Variants in HIPK3 observed in about 807,000 individuals in gnomAD.
HIPK3 encodes the protein homeodomain-interacting protein kinase 3.
Under a neutral mutation model 124.2 loss-of-function variants are expected in HIPK3, and 47 were observed. The observed-to-expected ratio is 0.38, with a 90% CI of 0.30 to 0.48. The LOEUF (loss-of-function observed/expected upper bound fraction) is 0.48, where lower values mean the gene tolerates loss of function less well. Among genes scored for constraint, HIPK3 ranks in the 20% least tolerant of loss-of-function variants. HIPK3 has a pLI of 0.98. For missense variants in HIPK3, 1,286 were observed against 1,454.3 expected (o/e 0.88, Z 1.88); for synonymous variants, 482 against 515.2 (o/e 0.94, Z 0.87).
chr11:33,287,446 C>T lies in HIPK3; in HGVS notation c.1032C>T (p.Asp344=), dbSNP rs2133902976. 1 of 1,614,084 alleles carries T rather than the reference C, an allele frequency of 6.2e-7. No homozygotes were observed. Among genetic ancestry groups the T allele is most frequent in the South Asian group, 1.1e-5 (1 of 91,076 alleles). The stretch of plus-strand genomic sequence containing the variant: ...AGCCTTACAGGGTTAAAGTAATAGA[C>T]TTTGGGTCGGCCAGTCATGTATCAA... ...VRQPYRVKVI[D]FGSASHVSKT... is the part of the protein sequence containing the mutation. The change falls in exon 2 of 17, where the codon GAC becomes GAT. Residue 344 remains aspartate, a synonymous_variant. Coordinates refer to ENST00000303296, the MANE Select transcript of HIPK3 (RefSeq NM_005734.5).
chr11:33,341,645 C>T lies in HIPK3; in HGVS notation c.1856C>T (p.Ala619Val), dbSNP rs767481473. ...AGTAQFGCGD[A>V]FQQTLIICPP... ...ACTGCTCAGTTTGGTTGTGGTGATG[C>T]TTTTCAGCAGACATTGATTATCTGT... The change falls in exon 8 of 17, where the codon GCT (alanine) becomes GTT (valine). Residue 619 changes from alanine (A) to valine (V), a missense_variant. Ala to Val is a moderately conservative substitution (Grantham distance 64). Coordinates refer to ENST00000303296, the MANE Select transcript of HIPK3 (RefSeq NM_005734.5). The T allele has an allele frequency of 1.3e-5, 21 of 1,613,460 alleles. No homozygotes were observed. The South Asian group carries it at 2.3e-4, about 18-fold the overall frequency.
rs1263630329 is a variant in HIPK3 at position 33,286,508 on chromosome 11, A to G, written c.94A>G (p.Ser32Gly). 1 of 1,613,580 alleles carries G rather than the reference A, an allele frequency of 6.2e-7. No individual in the cohort carries two copies. Among genetic ancestry groups the G allele is most frequent in the African/African-American group, 1.3e-5 (1 of 74,756 alleles). ...GAAGAAACTCAAAGTAGAGCCAAGCAGTTGTGTATTCCAGGAAAGAAACTA... is the reference window on the plus strand; with the variant it reads ...GAAGAAACTCAAAGTAGAGCCAAGCGGTTGTGTATTCCAGGAAAGAAACTA... Reference protein sequence around the residue: ...SVKKLKVEPSSCVFQERNYPR... With the variant: ...SVKKLKVEPSGCVFQERNYPR... Residue 32 changes from serine to glycine, a missense_variant, in exon 2 of 17, where the codon AGT (serine) becomes GGT (glycine). Ser to Gly is a moderately conservative substitution (Grantham distance 56). Around this residue, in one of 3 missense-constraint regions of HIPK3, gnomAD observed 225 missense variants for 240.3 expected, o/e 0.94. Transcript: ENST00000303296.
chr11:33,278,076 TA>T (rs1313155727), intron 1 of HIPK3, among the ~76,000 whole-genome samples: 1 of 152,194 alleles, frequency 6.6e-6, no homozygotes, highest in Non-Finnish European at 1.5e-5. Flanking sequence ...AAATTTGTCA[TA>T]TTTTCCCTTC....
intron 12 of HIPK3, 115 bp downstream of exon 12, chr11:33,348,343 T>TCGA: frequency 9.6e-7 from 1 of 1,041,292 alleles, no homozygotes; most frequent in South Asian, 1.6e-5. Flanking sequence ...GTAAATGCAG[T>TCGA]CTACATGGAT....
chr11:33,342,712 C>T (rs907719014), intron 8 of HIPK3, among the ~76,000 whole-genome samples: 17 of 152,066 alleles, frequency 1.1e-4, no homozygotes, highest in Non-Finnish European at 2.1e-4. Flanking sequence ...TGCGCCACCA[C>T]GCCTGGCTAA....
intron 8 of HIPK3, among the ~76,000 whole-genome samples, chr11:33,345,547 T>C (rs190869184): frequency 6.6e-6 from 1 of 152,164 alleles, no homozygotes; most frequent in Admixed American, 6.5e-5. Flanking sequence ...TGGAGAGAAT[T>C]TACAGACAAT....
Position 33,353,592 on chromosome 11 carries a change from A to G in HIPK3, c.*24A>G. The stretch of plus-strand genomic sequence containing the variant: ...GAAAAACAGTATATTGGGGAAGCTC[A>G]ATGATACAAACATTTGATTAAAAAT... On this transcript the variant is annotated 3_prime_UTR_variant, in exon 17 of 17. Transcript: ENST00000303296. 7.3e-7 allele frequency: 1 copy of G among 1,363,754 alleles called. No homozygotes were observed. The highest frequency in any genetic ancestry group is 1.0e-6 in the Non-Finnish European group (1 of 955,678). 84.5% of individuals were successfully genotyped at this position (1,363,754 alleles called of 1,614,324 possible). A position where few individuals can be genotyped will look rare whatever the true frequency, so the allele number is the denominator to read the frequency against.
intron 1 of HIPK3, among the ~76,000 whole-genome samples, chr11:33,259,454 A>G (rs1039578803): frequency 6.6e-6 from 1 of 152,232 alleles, no homozygotes; most frequent in Non-Finnish European, 1.5e-5. Flanking sequence ...AGTAAACAAA[A>G]TATGACTGAC....
chr11:33,307,562 C>G (rs1251929688), intron 2 of HIPK3, among the ~76,000 whole-genome samples: 4 of 150,550 alleles, frequency 2.7e-5, no homozygotes, highest in African/African-American at 9.7e-5. Context: ...CCACGCCTGG[C>G]TAATTTTTTT....
chr11:33,353,772 T>C lies in HIPK3; in HGVS notation c.*204T>C, dbSNP rs1290441939. 1.9e-6 allele frequency: 1 copy of C among 526,774 alleles called. No individual in the cohort carries two copies. The highest frequency in any genetic ancestry group is 3.4e-6 in the Non-Finnish European group (1 of 291,872). 32.6% of individuals were successfully genotyped at this position (526,774 alleles called of 1,614,324 possible). The stretch of plus-strand genomic sequence containing the variant: ...CTTGTCTTTGGTCATGTTATCTTCT[T>C]ATGTAGTAACTCTAGACAGGTGACT... On this transcript the variant is annotated 3_prime_UTR_variant, in exon 17 of 17. Coordinates refer to ENST00000303296, the MANE Select transcript of HIPK3 (RefSeq NM_005734.5).
At chr11:33,333,545 C>G (rs1413353954) in intron 3 of HIPK3, among the ~76,000 whole-genome samples, 3 of 152,150 alleles carry the variant, frequency 2.0e-5, no homozygotes, top group African/African-American at 7.2e-5. Context: ...GATTCCCATT[C>G]TTCATCCACT....
At chr11:33,339,285 G>T in intron 5 of HIPK3, 65 bp from the exon 6 acceptor site, 1 of 1,229,802 alleles carries the variant, frequency 8.1e-7, no homozygotes, top group Non-Finnish European at 1.2e-6. Flanking sequence ...TTTTTTAACG[G>T]TGGAATTTAT....
At chr11:33,283,951 A>G (rs1480584503) in intron 1 of HIPK3, among the ~76,000 whole-genome samples, 1 of 152,212 alleles carries the variant, frequency 6.6e-6, no homozygotes, top group African/African-American at 2.4e-5. Context: ...CTGGGAATAC[A>G]GGCATGAGCC....
intron 2 of HIPK3, among the ~76,000 whole-genome samples, chr11:33,324,252 G>A (rs1246487135): frequency 6.6e-6 from 1 of 152,176 alleles, no homozygotes; most frequent in Non-Finnish European, 1.5e-5. Context: ...TTTTTAAAGT[G>A]TATTGTGTTG....
chr11:33,342,643 C>T (rs1028203561), intron 8 of HIPK3, among the ~76,000 whole-genome samples: 1 of 151,732 alleles, frequency 6.6e-6, no homozygotes, highest in Non-Finnish European at 1.5e-5. Flanking sequence ...CTCCGCCTCC[C>T]GGGTTCAAGC....
chr11:33,257,861 A>C lies in HIPK3; in HGVS notation c.-31A>C. 1.0e-6 allele frequency: 1 copy of C among 985,416 alleles called. No individual in the cohort carries two copies. Among genetic ancestry groups the C allele is most frequent in the Non-Finnish European group, 1.2e-6 (1 of 830,034 alleles). The allele number at this position is 985,416 out of a possible 1,614,324, so 61.0% of individuals were successfully genotyped here. A position where few individuals can be genotyped will look rare whatever the true frequency, so the allele number is the denominator to read the frequency against. On this transcript the variant is annotated 5_prime_UTR_variant, in exon 1 of 17. Transcript: ENST00000303296. ...ACATGCTCAGGGCTGCGGCCGCCCG[A>C]AGAGGAGAGAGCGCGGGCCTCTAGG...
chr11:33,338,895 G>T, intron 5 of HIPK3, 52 bp downstream of exon 5: 1 of 1,275,596 alleles, frequency 7.8e-7, no homozygotes. Context: ...TGGTAGACTT[G>T]AATGCCAAGG....
chr11:33,286,959 A>G lies in HIPK3; in HGVS notation c.545A>G (p.Tyr182Cys), dbSNP rs752935813. 6 of 1,614,072 alleles carry G rather than the reference A, an allele frequency of 3.7e-6. No homozygotes were observed. Among genetic ancestry groups the G allele is most frequent in the East Asian group, 2.2e-5 (1 of 44,902 alleles). ...AATTGTACCACTGGAGAAGGTGACT[A>G]TCAGTTAGTACAGCATGAAGTCTTA... ...KQNCTTGEGD[Y>C]QLVQHEVLCS... Residue 182 changes from tyrosine (Y) to cysteine (C), a missense_variant, in exon 2 of 17, where the codon TAT (tyrosine) becomes TGT (cysteine). Tyr to Cys is a radical substitution (Grantham distance 194). This residue lies in a region of HIPK3 where 225 missense variants were observed against 240.3 expected (regional missense o/e 0.94). Transcript: ENST00000303296.
At chr11:33,305,845 A>AT (rs1852141149) in intron 2 of HIPK3, among the ~76,000 whole-genome samples, 1 of 136,484 alleles carries the variant, frequency 7.3e-6, no homozygotes. Flanking sequence ...TTCCTAAACA[A>AT]TTTTTTTATT....
Sources: allele counts gnomAD v4.1 joint callset (sites outside exome capture counted in the v4.1 genomes callset), GRCh38; gene constraint gnomAD v4.1.1; regional missense constraint gnomAD v4.1.1; transcripts MANE v1.5; gene names NCBI Gene and HGNC (gene_info 2026-07-23, HGNC 2026-07-21).